Variants in ESRRG observed in about 807,000 individuals in gnomAD.
The protein encoded by ESRRG is estrogen-related receptor gamma.
Under a neutral mutation model 44.0 loss-of-function variants are expected in ESRRG, and 13 were observed. The observed-to-expected ratio is 0.30, with a 90% CI of 0.19 to 0.47. The LOEUF (loss-of-function observed/expected upper bound fraction) is 0.47. Ranked by LOEUF, ESRRG falls within the 20% of genes least tolerant of loss-of-function variation. The pLI is 1.00. For missense variants in ESRRG, 395 were observed against 580.6 expected, an observed-to-expected ratio of 0.68 and a Z score of 3.29; for synonymous variants, 215 against 214.6, an observed-to-expected ratio of 1.00 and a Z score of -0.02.
At chr1:216,627,922 CA>C (rs2063465068) in intron 3 of ESRRG, among the ~76,000 whole-genome samples, 1 of 152,076 alleles carries the variant, frequency 6.6e-6, no homozygotes, top group Non-Finnish European at 1.5e-5. Context: ...TACTTGGAAC[CA>C]TGTGAAAATT....
chr1:216,826,605 C>G (rs1160335132), intron 2 of ESRRG, among the ~76,000 whole-genome samples: 1 of 152,102 alleles, frequency 6.6e-6, no homozygotes, highest in African/African-American at 2.4e-5. Context: ...GGTTTAATTT[C>G]ATCCCTATAC....
intron 1 of ESRRG, among the ~76,000 whole-genome samples, chr1:216,702,492 G>A (rs1316492461): frequency 6.6e-6 from 1 of 151,952 alleles, no homozygotes; most frequent in African/African-American, 2.4e-5. Flanking sequence ...GCCAGGTGTG[G>A]TGGCTCATGC....
intron 3 of ESRRG, among the ~76,000 whole-genome samples, chr1:216,590,820 TA>T (rs1430701755): frequency 1.3e-5 from 2 of 152,058 alleles, no homozygotes; most frequent in Admixed American, 1.3e-4. Context: ...ATTCAATAAC[TA>T]AAGAAGGGGA....
chr1:216,683,218 G>A (rs979954737), intron 1 of ESRRG, among the ~76,000 whole-genome samples: 1 of 152,136 alleles, frequency 6.6e-6, no homozygotes, highest in Non-Finnish European at 1.5e-5. Flanking sequence ...GGTCTGCCTG[G>A]TTAACCTAAC....
At chr1:217,133,426 G>C (rs148941693) in intron 1 of ESRRG, among the ~76,000 whole-genome samples, 1 of 152,330 alleles carries the variant, frequency 6.6e-6, no homozygotes, top group East Asian at 1.9e-4. Context: ...GCCCACGCTC[G>C]GGCCTTCTCC....
chr1:216,822,585 T>C (rs1289238905), intron 2 of ESRRG, among the ~76,000 whole-genome samples: 1 of 152,222 alleles, frequency 6.6e-6, no homozygotes, highest in African/African-American at 2.4e-5. Flanking sequence ...CCTGTTGTTA[T>C]GTAACAAAGT....
chr1:216,935,948 T>C (rs546316739), intron 2 of ESRRG, among the ~76,000 whole-genome samples: 44 of 152,102 alleles, frequency 2.9e-4, no homozygotes, highest in Non-Finnish European at 5.4e-4. Flanking sequence ...CTTCATCCTG[T>C]AGGCATGGTC....
chr1:216,663,116 G>A (rs72737371), intron 2 of ESRRG, among the ~76,000 whole-genome samples: 25,466 of 152,182 alleles, frequency 0.17, 2,574 homozygotes, highest in South Asian at 0.33. Flanking sequence ...GAATGAGTTG[G>A]AAAACTTTTA....
At chr1:216,760,817 A>G (rs2092726836) in intron 2 of ESRRG, among the ~76,000 whole-genome samples, 1 of 152,114 alleles carries the variant, frequency 6.6e-6, no homozygotes, top group African/African-American at 2.4e-5. Context: ...ATCAATAGTC[A>G]TTGATCGTTA....
At chr1:216,713,369 A>AG (rs932431881) in intron 1 of ESRRG, among the ~76,000 whole-genome samples, 115 of 152,180 alleles carry the variant, frequency 7.6e-4, no homozygotes, top group African/African-American at 2.8e-3. Context: ...TCTTGAAAAA[A>AG]AAAAAAAAAA....
chr1:216,980,058 C>G (rs1430952574), intron 1 of ESRRG, among the ~76,000 whole-genome samples: 1 of 152,122 alleles, frequency 6.6e-6, no homozygotes. Flanking sequence ...TCTTTCTACC[C>G]AATTAAAACG....
intron 2 of ESRRG, among the ~76,000 whole-genome samples, chr1:216,891,647 T>C (rs2057804997): frequency 6.6e-6 from 1 of 152,212 alleles, no homozygotes. Flanking sequence ...ATGGGTCAAC[T>C]AACAGGTATA....
chr1:216,781,866 C>G (rs2093949542), intron 2 of ESRRG, among the ~76,000 whole-genome samples: 1 of 151,992 alleles, frequency 6.6e-6, no homozygotes, highest in African/African-American at 2.4e-5. Flanking sequence ...ATGTACTGCA[C>G]AGTGGTAGAG....
At chr1:216,567,940 TG>T (rs758205458) in intron 4 of ESRRG, 47 bp downstream of exon 4, 1 of 1,248,152 alleles carries the variant, frequency 8.0e-7, no homozygotes, top group South Asian at 1.2e-5. Flanking sequence ...TAGAGCCAAC[TG>T]GGAGGATTTC....
chr1:216,618,393 A>G lies in ESRRG; in HGVS notation c.589+32580T>C, dbSNP rs548734404. Among the ~76,000 whole-genome samples, 6 of 152,364 alleles carry G rather than the reference A, an allele frequency of 3.9e-5. No individual in the cohort carries two copies. The East Asian group carries it at 1.2e-3, about 29-fold the overall frequency. On this transcript the variant is annotated intron_variant, in intron 3 of 6. Transcript: ENST00000408911. ...TCAGGGGTTCAATCTATGAATAAAG[A>G]ACAGAATTAACTAGGTAGGTTATAC...
chr1:216,632,549 T>C (rs2064419404), intron 3 of ESRRG, among the ~76,000 whole-genome samples: 1 of 152,162 alleles, frequency 6.6e-6, no homozygotes, highest in East Asian at 1.9e-4. Context: ...AAAATTAATA[T>C]ATTTTGGTGG....
At chr1:217,018,242 C>T (rs1204307925) in intron 1 of ESRRG, among the ~76,000 whole-genome samples, 1 of 151,966 alleles carries the variant, frequency 6.6e-6, no homozygotes, top group Non-Finnish European at 1.5e-5. Flanking sequence ...TTCCATTGCC[C>T]TTCTTTTAAT....
In ESRRG at chr1:216,608,911, G is replaced by A. The variant is rs572782141; in HGVS notation, c.590-40813C>T. 2.0e-5 allele frequency among the ~76,000 whole-genome samples: 3 copies of A among 152,316 alleles called. No individual in the cohort carries two copies. In the South Asian group the frequency reaches 6.2e-4, roughly 32 times the overall value. On this transcript the variant is annotated intron_variant, in intron 3 of 6. Coordinates refer to ENST00000408911, the MANE Select transcript of ESRRG (RefSeq NM_001438.4). ...ATATAGCTAAAAAAGAGGAGGAATTGTGTCTTCTGAAAGATGTACAAATAA... is the reference window on the plus strand; with the variant it reads ...ATATAGCTAAAAAAGAGGAGGAATTATGTCTTCTGAAAGATGTACAAATAA...
At chr1:216,869,215 T>C (rs2096223024) in intron 2 of ESRRG, among the ~76,000 whole-genome samples, 1 of 152,168 alleles carries the variant, frequency 6.6e-6, no homozygotes, top group African/African-American at 2.4e-5. Context: ...TAGATTTTTG[T>C]TCACTTTTAA....
Sources: allele counts gnomAD v4.1 joint callset (sites outside exome capture counted in the v4.1 genomes callset), GRCh38; gene constraint gnomAD v4.1.1; transcripts MANE v1.5; gene names NCBI Gene and HGNC (gene_info 2026-07-23, HGNC 2026-07-21).